LYPD6: variants seen among roughly 807,000 people sequenced by gnomAD.
The protein encoded by LYPD6 is ly6/PLAUR domain-containing protein 6.
LYPD6 carries 15 observed loss-of-function variants against 22.7 expected under a neutral mutation model. That is an observed-to-expected ratio of 0.66 (90% CI 0.44 to 1.02). The LOEUF (loss-of-function observed/expected upper bound fraction) is 1.02, where lower values mean the gene tolerates loss of function less well. Among genes scored for constraint, LYPD6 ranks in the 50% least tolerant of loss-of-function variants. The pLI is 0.00. For synonymous variants in LYPD6, 72 were observed against 77.5 expected (o/e 0.93, Z 0.37); for missense variants, 189 against 208.4 (o/e 0.91, Z 0.57).
intron 1 of LYPD6, among the ~76,000 whole-genome samples, chr2:149,353,962 C>T (rs1414148593): frequency 2.0e-5 from 3 of 152,092 alleles, no homozygotes; most frequent in Non-Finnish European, 2.9e-5. Context: ...AAACTTCACT[C>T]AGAAAACTGA....
chr2:149,339,069 A>G (rs1681110810), intron 1 of LYPD6, among the ~76,000 whole-genome samples: 2 of 152,166 alleles, frequency 1.3e-5, no homozygotes, highest in South Asian at 4.1e-4. Flanking sequence ...ACAGAATGTA[A>G]ATAGAACTCT....
chr2:149,417,599 CA>C (rs1428647302), intron 1 of LYPD6, among the ~76,000 whole-genome samples: 1 of 152,000 alleles, frequency 6.6e-6, no homozygotes, highest in Non-Finnish European at 1.5e-5. Flanking sequence ...TGGGGGTCTG[CA>C]AAGTAACCAG....
At chr2:149,348,324 G>A (rs868248797) in intron 1 of LYPD6, among the ~76,000 whole-genome samples, 18 of 152,278 alleles carry the variant, frequency 1.2e-4, no homozygotes, top group South Asian at 2.1e-4. Context: ...AATAAGAAAT[G>A]TGCAGTATGT....
chr2:149,482,200 A>G, the LYPD6 span, among the ~76,000 whole-genome samples: 1 of 152,154 alleles, frequency 6.6e-6, no homozygotes, highest in Non-Finnish European at 1.5e-5. Context: ...ATTTTGCCAC[A>G]TTTGACTTAT....
At chr2:149,443,983 G>T (rs1437420127) in intron 2 of LYPD6, among the ~76,000 whole-genome samples, 1 of 148,346 alleles carries the variant, frequency 6.7e-6, no homozygotes, top group Non-Finnish European at 1.5e-5. Flanking sequence ...GCCCAGGCTG[G>T]AGTGCAGTGG....
intron 1 of LYPD6, among the ~76,000 whole-genome samples, chr2:149,366,132 A>G (rs114828717): frequency 0.013 from 1,924 of 152,280 alleles, 43 homozygotes; most frequent in African/African-American, 0.044. Flanking sequence ...TGTTTTCCAT[A>G]TATTTTATGG....
chr2:149,337,153 C>T (rs1159519692), intron 1 of LYPD6, among the ~76,000 whole-genome samples: 1 of 152,182 alleles, frequency 6.6e-6, no homozygotes, highest in Non-Finnish European at 1.5e-5. Context: ...GAATCTGTTT[C>T]TTTCCTTTCT....
At chr2:149,372,884 A>C (rs952974800) in intron 1 of LYPD6, among the ~76,000 whole-genome samples, 4 of 152,108 alleles carry the variant, frequency 2.6e-5, no homozygotes, top group Non-Finnish European at 4.4e-5. Flanking sequence ...AGAATACAAA[A>C]ATTTTCATCT....
At chr2:149,370,630 C>A (rs1317635322) in intron 1 of LYPD6, 4 of 152,150 alleles carry the variant, frequency 2.6e-5, no homozygotes, top group African/African-American at 7.2e-5. Context: ...GAGTAGTACA[C>A]TTCTCTTGCT....
chr2:149,391,108 C>T (rs548884635), intron 1 of LYPD6, among the ~76,000 whole-genome samples: 3 of 152,286 alleles, frequency 2.0e-5, no homozygotes, highest in East Asian at 3.9e-4. Context: ...TAATTAGTGA[C>T]CTACTATTGG....
chr2:149,438,514 T>A (rs530679219), intron 2 of LYPD6, among the ~76,000 whole-genome samples: 1 of 152,376 alleles, frequency 6.6e-6, no homozygotes, highest in Non-Finnish European at 1.5e-5. Flanking sequence ...CTCTTCTGTA[T>A]TGCCCCTGTT....
intron 2 of LYPD6, among the ~76,000 whole-genome samples, chr2:149,441,455 T>C (rs1683567207): frequency 6.6e-6 from 1 of 152,130 alleles, no homozygotes; most frequent in Admixed American, 6.5e-5. Flanking sequence ...TGATAATAAC[T>C]GGGGAGAGAT....
At chr2:149,366,571 C>A (rs1476799983) in intron 1 of LYPD6, among the ~76,000 whole-genome samples, 1 of 152,126 alleles carries the variant, frequency 6.6e-6, no homozygotes, top group Non-Finnish European at 1.5e-5. Flanking sequence ...CAAGAAGAGT[C>A]CAGGGACTGG....
At chr2:149,468,108 T>C (rs1681242790) in intron 3 of LYPD6, among the ~76,000 whole-genome samples, 3 of 146,626 alleles carry the variant, frequency 2.0e-5, no homozygotes, top group Admixed American at 1.4e-4. Context: ...ATTGTTCTGC[T>C]CTTGTGAATA....
intron 1 of LYPD6, among the ~76,000 whole-genome samples, chr2:149,383,596 A>G (rs752602109): frequency 6.6e-6 from 1 of 152,194 alleles, no homozygotes. Context: ...TGAGAGAAAC[A>G]TTCATCTTAC....
At chr2:149,459,057 C>T (rs556571990) in intron 3 of LYPD6, among the ~76,000 whole-genome samples, 1 of 152,116 alleles carries the variant, frequency 6.6e-6, no homozygotes, top group Non-Finnish European at 1.5e-5. Context: ...AAAAGTTTTT[C>T]TAAGAAGCTG....
chr2:149,470,780 C>G lies in LYPD6; in HGVS notation c.446C>G (p.Thr149Arg), dbSNP rs1419816626. 21 of 1,613,802 alleles carry G rather than the reference C, an allele frequency of 1.3e-5. No individual in the cohort carries two copies. Among genetic ancestry groups the G allele is most frequent in the Non-Finnish European group, 1.8e-5 (21 of 1,179,814 alleles). ...TFATTSPINQ[T>R]NGHPRCMSVI... ...GCCACGACGTCACCTATAAATCAGA[C>G]AAATGGGCACCCACGCTGTATGTCA... is the stretch of plus-strand genomic sequence containing the variant. The change falls in exon 5 of 5, where the codon ACA (threonine) becomes AGA (arginine). Residue 149 changes from threonine to arginine, a missense_variant. Thr to Arg is a moderately conservative substitution (Grantham distance 71). Transcript: ENST00000334166.
chr2:149,358,471 G>GGT (rs1681510692), intron 1 of LYPD6, among the ~76,000 whole-genome samples: 1 of 152,128 alleles, frequency 6.6e-6, no homozygotes, highest in Admixed American at 6.5e-5. Flanking sequence ...ATGCTAACTG[G>GGT]GTGTGCCCAG....
At chr2:149,366,420 T>A (rs1420523863) in intron 1 of LYPD6, among the ~76,000 whole-genome samples, 2 of 152,150 alleles carry the variant, frequency 1.3e-5, no homozygotes, top group Non-Finnish European at 2.9e-5. Context: ...CCTGACCCCT[T>A]GGCAGAGAAA....
Sources: allele counts gnomAD v4.1 joint callset (sites outside exome capture counted in the v4.1 genomes callset), GRCh38; gene constraint gnomAD v4.1.1; transcripts MANE v1.5; gene names NCBI Gene and HGNC (gene_info 2026-07-23, HGNC 2026-07-21).